The following TRPM3 variants were observed in gnomAD, a reference collection of about 807,000 sequenced individuals.
The protein encoded by TRPM3 is long transient receptor potential channel 3.
In TRPM3, 77 loss-of-function variants were observed where a neutral mutation model predicts 181.2. The ratio of observed to expected loss-of-function variants is 0.42; its 90% CI spans 0.35 to 0.51. The LOEUF (loss-of-function observed/expected upper bound fraction) is 0.51, where lower values mean the gene tolerates loss of function less well. TRPM3 is among the 20% of genes least tolerant of loss of function. The pLI is 0.01. For synonymous variants in TRPM3, 745 were observed against 796.4 expected (o/e 0.94, Z 1.09); for missense variants, 1,759 against 2,196.7 (o/e 0.80, Z 3.98).
intron 1 of TRPM3, among the ~76,000 whole-genome samples, chr9:71,053,777 G>A (rs12341827): frequency 0.046 from 7,010 of 152,084 alleles, 271 homozygotes; most frequent in African/African-American, 0.1. Context: ...CCAGACCAGC[G>A]GATGCAATGA....
intron 1 of TRPM3, among the ~76,000 whole-genome samples, chr9:71,163,708 C>T (rs1210757056): frequency 6.6e-6 from 1 of 152,014 alleles, no homozygotes; most frequent in Non-Finnish European, 1.5e-5. Context: ...GTAAGATAAC[C>T]AGAAGATCAA....
chr9:70,987,263 A>T (rs1158170167), intron 1 of TRPM3, among the ~76,000 whole-genome samples: 1 of 152,158 alleles, frequency 6.6e-6, no homozygotes, highest in Non-Finnish European at 1.5e-5. Flanking sequence ...AATGGCTCAA[A>T]ACTTAAATGC....
At chr9:71,075,344 T>C (rs1286983539) in intron 1 of TRPM3, among the ~76,000 whole-genome samples, 2 of 152,226 alleles carry the variant, frequency 1.3e-5, no homozygotes, top group Non-Finnish European at 2.9e-5. Context: ...AATTTAACTC[T>C]GAAATTTGTT....
chr9:71,010,912 G>GACACAC (rs59803868), intron 1 of TRPM3, among the ~76,000 whole-genome samples: 8 of 139,432 alleles, frequency 5.7e-5, no homozygotes, highest in African/African-American at 1.9e-4. Flanking sequence ...TAAAGAAAAT[G>GACACAC]ACACACACAC....
chr9:70,647,240 A>C (rs571690190), intron 9 of TRPM3, among the ~76,000 whole-genome samples: 2 of 151,476 alleles, frequency 1.3e-5, no homozygotes, highest in Non-Finnish European at 2.9e-5. Context: ...CAATGAAAAA[A>C]AAGAAAACTT....
At position 70,761,783 on chromosome 9, in the gene TRPM3, T is replaced by C. The variant is rs2078198080; in HGVS notation, c.1149-59A>G. 4 of 1,556,640 alleles carry C rather than the reference T, an allele frequency of 2.6e-6. No individual in the cohort carries two copies. The East Asian group carries it at 6.8e-5, about 26-fold the overall frequency. ...CCAACTCCTATTCAGCAAGTATTTCTGAGAAATACAGAGCTCAAGAGGAAA... is the reference window on the plus strand; with the variant it reads ...CCAACTCCTATTCAGCAAGTATTTCCGAGAAATACAGAGCTCAAGAGGAAA... On this transcript the variant is annotated intron_variant, in intron 7 of 25. Coordinates refer to ENST00000677713, the MANE Select transcript of TRPM3 (RefSeq NM_001366145.2).
At chr9:71,256,697 G>C (rs181996181) in intron 1 of TRPM3, among the ~76,000 whole-genome samples, 1 of 152,138 alleles carries the variant, frequency 6.6e-6, no homozygotes, top group Admixed American at 6.6e-5. Flanking sequence ...CCTAGATACA[G>C]TTTGATGGGA....
At chr9:71,013,429 A>G (rs1022632530) in intron 1 of TRPM3, among the ~76,000 whole-genome samples, 1 of 151,502 alleles carries the variant, frequency 6.6e-6, no homozygotes, top group African/African-American at 2.4e-5. Flanking sequence ...AATCGATGCC[A>G]TTCTTATTTC....
rs765557409 is a variant in TRPM3, at chr9:70,536,175, G to A, written c.4938C>T (p.Arg1646=). Residue 1646 remains arginine (R), a synonymous_variant, in exon 26 of 26, where the codon CGC becomes CGT. Coordinates refer to ENST00000677713, the MANE Select transcript of TRPM3 (RefSeq NM_001366145.2). ...SNNITVPKIE[R]ANSYSAEEPS... ...GCTCCTCTGCCGAGTAGCTGTTGGC[G>A]CGCTCTATCTTGGGAACAGTGATGT... The A allele has an allele frequency of 4.3e-5, 69 of 1,614,066 alleles. No homozygotes were observed. The highest frequency in any genetic ancestry group is 4.0e-5 in the Non-Finnish European group (47 of 1,180,040).
chr9:71,383,259 C>T (rs777485745), intron 1 of TRPM3, among the ~76,000 whole-genome samples: 31 of 152,018 alleles, frequency 2.0e-4, no homozygotes, highest in South Asian at 4.1e-4. Flanking sequence ...ATTTTCTTGA[C>T]GCGTTGAAAT....
chr9:71,339,282 A>C (rs1044118958), intron 1 of TRPM3, among the ~76,000 whole-genome samples: 2 of 152,168 alleles, frequency 1.3e-5, no homozygotes, highest in Non-Finnish European at 2.9e-5. Flanking sequence ...TCATAAACTT[A>C]ATGTGATCAC....
intron 8 of TRPM3, among the ~76,000 whole-genome samples, chr9:70,753,159 A>C (rs2076482721): frequency 6.6e-6 from 1 of 152,120 alleles, no homozygotes; most frequent in Non-Finnish European, 1.5e-5. Context: ...GAAATAGCCT[A>C]ATGACACATT....
At chr9:70,813,153 T>A (rs1480625853) in intron 6 of TRPM3, among the ~76,000 whole-genome samples, 2 of 152,200 alleles carry the variant, frequency 1.3e-5, no homozygotes, top group African/African-American at 4.8e-5. Context: ...AGCAATGCGC[T>A]AAGTGATGCT....
chr9:70,560,929 A>G (rs77714086), intron 22 of TRPM3, among the ~76,000 whole-genome samples: 4,007 of 152,294 alleles, frequency 0.026, 163 homozygotes, highest in African/African-American at 0.089. Context: ...AGAAGTATTT[A>G]TTTATTTAAT....
At chr9:70,889,772 T>G (rs1342435324) in intron 1 of TRPM3, among the ~76,000 whole-genome samples, 1 of 151,820 alleles carries the variant, frequency 6.6e-6, no homozygotes, top group Non-Finnish European at 1.5e-5. Flanking sequence ...CCAAGGGTCA[T>G]CAGGAATTAA....
chr9:70,549,715 T>A, intron 24 of TRPM3, 41 bp from the exon 25 acceptor site: 1 of 1,560,224 alleles, frequency 6.4e-7, no homozygotes, highest in African/African-American at 1.4e-5. Flanking sequence ...GGGAGAGAAG[T>A]AAAAGCGATG....
intron 24 of TRPM3, among the ~76,000 whole-genome samples, chr9:70,550,526 T>A (rs2046221754): frequency 6.6e-6 from 1 of 152,200 alleles, no homozygotes; most frequent in Non-Finnish European, 1.5e-5. Flanking sequence ...TAATAGAAGG[T>A]AAATGGATTC....
intron 1 of TRPM3, among the ~76,000 whole-genome samples, chr9:71,171,869 T>G (rs2076877549): frequency 6.7e-6 from 1 of 149,790 alleles, no homozygotes. Context: ...TTTATTATTA[T>G]TTATTTTGGA....
intron 1 of TRPM3, among the ~76,000 whole-genome samples, chr9:71,267,282 C>T (rs12351136): frequency 0.55 from 83,037 of 151,958 alleles, 22,813 homozygotes; most frequent in African/African-American, 0.6. Context: ...GGAATATTAC[C>T]TTATGACAAT....
Sources: allele counts gnomAD v4.1 joint callset (sites outside exome capture counted in the v4.1 genomes callset), GRCh38; gene constraint gnomAD v4.1.1; transcripts MANE v1.5; gene names NCBI Gene and HGNC (gene_info 2026-07-23, HGNC 2026-07-21).